Variants in TET2 observed in about 807,000 individuals in gnomAD.
TET2 encodes the protein tet methylcytosine dioxygenase 2.
In TET2, 299 loss-of-function variants were observed where a neutral mutation model predicts 142.9. The observed-to-expected ratio is 2.09, with a 90% confidence interval of 1.90 to 2.30. The LOEUF (loss-of-function observed/expected upper bound fraction) is 2.30, where lower values mean the gene tolerates loss of function less well. TET2 is among the 30% of genes most tolerant of loss of function. The pLI is 0.00. For missense variants in TET2, 2,418 were observed against 2,378.0 expected, an observed-to-expected ratio of 1.02 and a Z score of -0.35; for synonymous variants, 819 against 849.0, an observed-to-expected ratio of 0.96 and a Z score of 0.61.
At chr4:105,212,867 G>T (rs938017700) in intron 2 of TET2, among the ~76,000 whole-genome samples, 1 of 152,072 alleles carries the variant, frequency 6.6e-6, no homozygotes, top group East Asian at 1.9e-4. Context: ...GCACGTGCCT[G>T]TAGTCCCAGA....
chr4:105,217,551 T>C (rs1169315819), intron 2 of TET2, among the ~76,000 whole-genome samples: 1 of 152,062 alleles, frequency 6.6e-6, no homozygotes, highest in Non-Finnish European at 1.5e-5. Context: ...CCATAAACAA[T>C]GATCCTGTGT....
intron 1 of TET2, among the ~76,000 whole-genome samples, chr4:105,174,850 A>G (rs1184133856): frequency 6.6e-6 from 1 of 152,236 alleles, no homozygotes; most frequent in Non-Finnish European, 1.5e-5. Context: ...CTATTTTACC[A>G]GAGCCTAAAC....
At chr4:105,228,573 A>G (rs989693835) in intron 2 of TET2, among the ~76,000 whole-genome samples, 36 of 152,256 alleles carry the variant, frequency 2.4e-4, no homozygotes, top group African/African-American at 7.9e-4. Context: ...AATATTTTAT[A>G]CCTTAGAAAG....
chr4:105,254,621 A>C (rs1264585979), intron 6 of TET2, among the ~76,000 whole-genome samples: 1 of 152,142 alleles, frequency 6.6e-6, no homozygotes, highest in Non-Finnish European at 1.5e-5. Context: ...TATGTTGCCC[A>C]GTGTGGTCTT....
At chr4:105,262,410 TAAGAC>T (rs1730485831) in intron 8 of TET2, among the ~76,000 whole-genome samples, 1 of 152,142 alleles carries the variant, frequency 6.6e-6, no homozygotes, top group African/African-American at 2.4e-5. Context: ...TATAGCTAGT[TAAGAC>T]AGGTAGATGA....
At chr4:105,270,337 A>G (rs1370879404) in intron 9 of TET2, among the ~76,000 whole-genome samples, 1 of 152,236 alleles carries the variant, frequency 6.6e-6, no homozygotes, top group Non-Finnish European at 1.5e-5. Context: ...GCACATGAGA[A>G]TCATGGAAAT....
intron 1 of TET2, among the ~76,000 whole-genome samples, chr4:105,151,528 GATA>G (rs2110346537): frequency 6.6e-6 from 1 of 151,296 alleles, no homozygotes. Context: ...TAAATTCAGT[GATA>G]ATATCATCCT....
intron 2 of TET2, among the ~76,000 whole-genome samples, chr4:105,219,696 G>A (rs1727701042): frequency 6.6e-6 from 1 of 151,970 alleles, no homozygotes; most frequent in Non-Finnish European, 1.5e-5. Flanking sequence ...GAAGATATGA[G>A]ACAATGTATC....
rs753237619 is a variant in TET2 at position 105,235,986 on chromosome 4, C to A, written c.2044C>A (p.His682Asn). The change falls in exon 3 of 11, where the codon CAT (histidine) becomes AAT (asparagine). Residue 682 changes from histidine to asparagine, a missense_variant. Physicochemically the swap from His to Asn is moderately conservative, Grantham distance 68. Transcript: ENST00000380013. ...GCAGTCACTGTGTGGCACTAGATTT[C>A]ATTTTCAACAAAGAGCAGATTCCCA... Reference protein sequence around the residue: ...HVQSLCGTRFHFQQRADSQTE... With the variant: ...HVQSLCGTRFNFQQRADSQTE... 9.9e-6 allele frequency: 16 copies of A among 1,614,056 alleles called. No individual in the cohort carries two copies. Among genetic ancestry groups the A allele is most frequent in the Non-Finnish European group, 1.4e-5 (16 of 1,180,022 alleles).
intron 2 of TET2, among the ~76,000 whole-genome samples, chr4:105,216,944 C>G (rs1050796072): frequency 6.6e-6 from 1 of 151,968 alleles, no homozygotes; most frequent in African/African-American, 2.4e-5. Flanking sequence ...GTAGTTAAGT[C>G]TTATTTTGAA....
chr4:105,228,541 AG>A (rs1415319227), intron 2 of TET2, among the ~76,000 whole-genome samples: 2 of 152,144 alleles, frequency 1.3e-5, no homozygotes, highest in Non-Finnish European at 2.9e-5. Flanking sequence ...TTATAATAAA[AG>A]ATAATATATT....
chr4:105,249,436 G>A (rs1729754083), intron 6 of TET2, among the ~76,000 whole-genome samples: 1 of 152,196 alleles, frequency 6.6e-6, no homozygotes, highest in African/African-American at 2.4e-5. Flanking sequence ...GTGTGAACAT[G>A]TTTTCAGTTA....
At chr4:105,181,249 G>C (rs17583558) in intron 1 of TET2, among the ~76,000 whole-genome samples, 49,389 of 152,054 alleles carry the variant, frequency 0.32, 9,194 homozygotes, top group East Asian at 0.5. Flanking sequence ...TATAGTAGTG[G>C]TTTGTAAATT....
At chr4:105,226,534 C>T (rs1285454869) in intron 2 of TET2, among the ~76,000 whole-genome samples, 4 of 151,960 alleles carry the variant, frequency 2.6e-5, no homozygotes, top group Non-Finnish European at 4.4e-5. Flanking sequence ...TGGTGCTGTC[C>T]TCCTGATAGT....
rs754676177 is a variant in TET2 at position 105,236,650 on chromosome 4, AC to A, written c.2710del (p.Gln904LysfsTer17). 1 of 1,614,082 alleles carries A rather than the reference AC, an allele frequency of 6.2e-7. No individual in the cohort carries two copies. The highest frequency in any genetic ancestry group is 8.5e-7 in the Non-Finnish European group (1 of 1,180,008). On this transcript the variant is annotated frameshift_variant, in exon 3 of 11. Transcript: ENST00000380013. LOFTEE classifies it high-confidence loss of function. Reference protein sequence around the residue: ...ASVLQGYKNRNQDMSGQQAAQ... With the variant: ...ASVLQGYKNRXQDMSGQQAAQ... ...GTTCTACAGGGATATAAAAATAGAA[AC>A]CAAGATATGTCTGGTCAACAAGCTG...
intron 8 of TET2, among the ~76,000 whole-genome samples, chr4:105,265,887 G>C (rs1284556614): frequency 1.3e-5 from 2 of 152,174 alleles, no homozygotes; most frequent in African/African-American, 4.8e-5. Context: ...TTAGGCTCCA[G>C]TGTAGCCAGT....
At chr4:105,220,255 C>T (rs1167148745) in intron 2 of TET2, among the ~76,000 whole-genome samples, 1 of 152,004 alleles carries the variant, frequency 6.6e-6, no homozygotes, top group African/African-American at 2.4e-5. Context: ...ATCATACCTC[C>T]GTATATAAAA....
chr4:105,265,156 A>G (rs1181278078), intron 8 of TET2, among the ~76,000 whole-genome samples: 1 of 152,236 alleles, frequency 6.6e-6, no homozygotes, highest in East Asian at 1.9e-4. Flanking sequence ...CATTTTAGAC[A>G]AATGCTTCTA....
chr4:105,182,960 A>T (rs1725207098), intron 1 of TET2, among the ~76,000 whole-genome samples: 1 of 152,208 alleles, frequency 6.6e-6, no homozygotes, highest in African/African-American at 2.4e-5. Context: ...TGATTTAAAA[A>T]TTCATTCTTT....
Sources: allele counts gnomAD v4.1 joint callset (sites outside exome capture counted in the v4.1 genomes callset), GRCh38; gene constraint gnomAD v4.1.1; transcripts MANE v1.5; gene names NCBI Gene and HGNC (gene_info 2026-07-23, HGNC 2026-07-21).